The following SLC35F1 variants were observed in gnomAD, a reference collection of about 807,000 sequenced individuals.
The protein encoded by SLC35F1 is chromosome 6 open reading frame 169.
Under a neutral mutation model 48.7 loss-of-function variants are expected in SLC35F1, and 14 were observed. The observed-to-expected ratio is 0.29, with a 90% CI of 0.19 to 0.45. The LOEUF (loss-of-function observed/expected upper bound fraction) is 0.45, where lower values mean the gene tolerates loss of function less well. SLC35F1 is among the 20% of genes least tolerant of loss of function. The pLI, the probability that SLC35F1 is intolerant of heterozygous loss-of-function variation, is 1.00. For missense variants in SLC35F1, 404 were observed against 500.0 expected (o/e 0.81, Z 1.83); for synonymous variants, 190 against 202.2 (o/e 0.94, Z 0.51).
intron 2 of SLC35F1, among the ~76,000 whole-genome samples, chr6:118,223,824 C>T (rs1775181956): frequency 1.3e-5 from 2 of 152,210 alleles, no homozygotes. Context: ...CTCAAGAGTG[C>T]AGGCTGGCAC....
intron 3 of SLC35F1, among the ~76,000 whole-genome samples, chr6:118,265,512 A>T (rs1775760853): frequency 6.6e-6 from 1 of 152,196 alleles, no homozygotes; most frequent in South Asian, 2.1e-4. Context: ...TTATAAGTGC[A>T]GGCCTGAAGG....
intron 1 of SLC35F1, among the ~76,000 whole-genome samples, chr6:118,146,118 G>A (rs1158182341): frequency 6.6e-6 from 1 of 152,134 alleles, no homozygotes; most frequent in South Asian, 2.1e-4. Flanking sequence ...CCTGTATTAT[G>A]GAGCTAATGG....
At chr6:118,268,048 C>T (rs1582761043) in intron 4 of SLC35F1, among the ~76,000 whole-genome samples, 1 of 152,034 alleles carries the variant, frequency 6.6e-6, no homozygotes, top group Non-Finnish European at 1.5e-5. Context: ...AAAAGTGGAC[C>T]GTTTCTCTTT....
chr6:118,298,841 T>C lies in SLC35F1; in HGVS notation c.1002+13503T>C, dbSNP rs998268510. Among the ~76,000 whole-genome samples the C allele has an allele frequency of 3.3e-5, 5 of 152,180 alleles. No homozygotes were observed. The South Asian group carries it at 1.0e-3, about 32-fold the overall frequency. ...GGCTGGTTTTGACTTCAGAGTTCAT[T>C]CCCTTAAGCACTGCTCTCCTCTGAC... On this transcript the variant is annotated intron_variant, in intron 7 of 7. Coordinates refer to ENST00000360388, the MANE Select transcript of SLC35F1 (RefSeq NM_001029858.4).
chr6:118,023,521 C>A (rs1056254513), intron 1 of SLC35F1, among the ~76,000 whole-genome samples: 1 of 152,026 alleles, frequency 6.6e-6, no homozygotes, highest in Non-Finnish European at 1.5e-5. Flanking sequence ...ATATAAATAA[C>A]TAAGGTAATA....
intron 1 of SLC35F1, among the ~76,000 whole-genome samples, chr6:118,076,739 T>G (rs62431233): frequency 0.043 from 6,488 of 152,288 alleles, 216 homozygotes; most frequent in Non-Finnish European, 0.066. Flanking sequence ...TAATTCATAT[T>G]CTCACCATGA....
At chr6:118,246,298 C>T (rs190591080) in intron 3 of SLC35F1, among the ~76,000 whole-genome samples, 1 of 152,236 alleles carries the variant, frequency 6.6e-6, no homozygotes, top group Non-Finnish European at 1.5e-5. Context: ...TATAAAGGAC[C>T]GGCCCTCTTT....
At chr6:118,041,570 A>G (rs547052462) in intron 1 of SLC35F1, among the ~76,000 whole-genome samples, 8 of 152,348 alleles carry the variant, frequency 5.3e-5, no homozygotes, top group African/African-American at 1.9e-4. Flanking sequence ...TAAATAAGTA[A>G]GTAAACATCA....
At chr6:118,026,257 G>A (rs114968099) in intron 1 of SLC35F1, among the ~76,000 whole-genome samples, 1,707 of 152,282 alleles carry the variant, frequency 0.011, 37 homozygotes, top group African/African-American at 0.038. Context: ...GATGAGATGG[G>A]GGAGGATGGC....
At chr6:118,024,601 G>A (rs79764528) in intron 1 of SLC35F1, among the ~76,000 whole-genome samples, 90 of 152,258 alleles carry the variant, frequency 5.9e-4, no homozygotes, top group African/African-American at 2.1e-3. Flanking sequence ...GCTGACCACA[G>A]AGTGAATTTC....
chr6:117,999,529 G>A (rs1777056447), intron 1 of SLC35F1: 1 of 880,678 alleles, frequency 1.1e-6, no homozygotes, highest in South Asian at 1.7e-5. Context: ...ATGGGGCTGG[G>A]GTCCTCCTGT....
intron 1 of SLC35F1, among the ~76,000 whole-genome samples, chr6:117,914,434 A>T (rs902573685): frequency 1.3e-5 from 2 of 152,196 alleles, no homozygotes; most frequent in Admixed American, 6.5e-5. Context: ...ACAGGGCTAC[A>T]ATTTGTGATC....
chr6:118,297,914 C>T (rs1420354873), intron 7 of SLC35F1, among the ~76,000 whole-genome samples: 1 of 151,360 alleles, frequency 6.6e-6, no homozygotes, highest in Non-Finnish European at 1.5e-5. Context: ...GTCATGAGGG[C>T]GGATTCCTCG....
intron 4 of SLC35F1, among the ~76,000 whole-genome samples, chr6:118,269,224 C>A (rs1224591223): frequency 3.3e-5 from 5 of 152,118 alleles, no homozygotes; most frequent in Non-Finnish European, 7.4e-5. Context: ...GAGAGTCTTT[C>A]CAAAGTGTCA....
At position 118,220,362 on chromosome 6, in the gene SLC35F1, G is replaced by A. The variant is rs1775131656; in HGVS notation, c.350-15147G>A. Among the ~76,000 whole-genome samples, 2 of 151,954 alleles carry A rather than the reference G, an allele frequency of 1.3e-5. 1 individual carries two copies. Among genetic ancestry groups the A allele is most frequent in the South Asian group, 4.2e-4 (2 of 4,814 alleles). On this transcript the variant is annotated intron_variant, in intron 2 of 7. Coordinates refer to ENST00000360388, the MANE Select transcript of SLC35F1 (RefSeq NM_001029858.4). ...GGAAGTCTTCTAATATTATATTTGT[G>A]GATGAATAACCCCATTCCCTTCCCC...
At chr6:117,917,714 G>A (rs1191480005) in intron 1 of SLC35F1, among the ~76,000 whole-genome samples, 4 of 123,454 alleles carry the variant, frequency 3.2e-5, no homozygotes, top group Non-Finnish European at 7.7e-5. Flanking sequence ...GTAGTGAAAC[G>A]GTCAAAAGAA....
rs867317427 is a variant in SLC35F1, at chr6:117,923,701, A to G, written c.173+15802A>G. ...TACATATATACATATGTACATATAC[A>G]TATATGTACATATATACATATATAC... On this transcript the variant is annotated intron_variant, in intron 1 of 7. Transcript: ENST00000360388. Among the ~76,000 whole-genome samples the G allele has an allele frequency of 5.7e-4, 10 of 17,488 alleles. 3 individuals are homozygous for G. Among genetic ancestry groups the G allele is most frequent in the African/African-American group, 1.3e-3 (7 of 5,376 alleles). 11.5% of individuals were successfully genotyped at this position (17,488 alleles called of 152,430 possible).
At chr6:118,294,398 CTGTA>C (rs1776159160) in intron 7 of SLC35F1, among the ~76,000 whole-genome samples, 1 of 152,208 alleles carries the variant, frequency 6.6e-6, no homozygotes, top group African/African-American at 2.4e-5. Context: ...AGTTCTTTCA[CTGTA>C]TGCCATCGCG....
chr6:118,077,621 C>G (rs1772841572), intron 1 of SLC35F1, among the ~76,000 whole-genome samples: 1 of 152,120 alleles, frequency 6.6e-6, no homozygotes, highest in Non-Finnish European at 1.5e-5. Flanking sequence ...TCAACCTCAA[C>G]AAAGCAAATG....
Sources: gnomAD v4.1 joint callset for allele counts (sites outside exome capture counted in the v4.1 genomes callset) on GRCh38, gnomAD v4.1.1 for gene constraint, MANE v1.5 for transcripts, NCBI Gene and HGNC (gene_info 2026-07-23, HGNC 2026-07-21) for gene names.